Variants in GRIK2 observed in about 807,000 individuals in gnomAD.
The protein encoded by GRIK2 is glutamate receptor ionotropic, kainate 2.
GRIK2 carries 32 observed loss-of-function variants against 100.3 expected under a neutral mutation model. That is an observed-to-expected ratio of 0.32 (90% CI 0.24 to 0.43). The LOEUF is 0.43. GRIK2 is among the 20% of genes least tolerant of loss of function. The probability of loss-of-function intolerance (pLI) is 1.00; values close to 1 mark genes in which losing one functional copy is unlikely to be tolerated. For missense variants in GRIK2, 843 were observed against 1,114.9 expected (o/e 0.76, Z 3.47); for synonymous variants, 417 against 389.4 (o/e 1.07, Z -0.83).
At chr6:101,975,305 C>G (rs1245707772) in intron 14 of GRIK2, among the ~76,000 whole-genome samples, 1 of 151,754 alleles carries the variant, frequency 6.6e-6, no homozygotes, top group Non-Finnish European at 1.5e-5. Context: ...GATGAAATCA[C>G]CTGGGGAAGT....
intron 12 of GRIK2, among the ~76,000 whole-genome samples, chr6:101,911,701 A>G (rs1167415262): frequency 1.3e-5 from 2 of 151,454 alleles, no homozygotes; most frequent in African/African-American, 4.8e-5. Context: ...TTCTCACAAA[A>G]CATTGTTTGT....
intron 2 of GRIK2, among the ~76,000 whole-genome samples, chr6:101,592,306 A>G (rs935147775): frequency 2.0e-5 from 3 of 151,832 alleles, no homozygotes; most frequent in Admixed American, 6.6e-5. Context: ...AGGGAAATGG[A>G]AAAAAAGCAG....
At chr6:101,716,322 A>C (rs1774064287) in intron 7 of GRIK2, among the ~76,000 whole-genome samples, 1 of 151,722 alleles carries the variant, frequency 6.6e-6, no homozygotes, top group African/African-American at 2.4e-5. Context: ...GGTATACTAT[A>C]ATGAAAGAAG....
chr6:101,676,457 G>A (rs920797019), intron 4 of GRIK2, among the ~76,000 whole-genome samples, 166 bp from the exon 5 acceptor site: 6 of 152,024 alleles, frequency 3.9e-5, no homozygotes, highest in South Asian at 2.1e-4. Flanking sequence ...GTTCTTGGCC[G>A]TATCAAACTA....
intron 2 of GRIK2, among the ~76,000 whole-genome samples, chr6:101,477,513 G>A (rs1257076950): frequency 6.6e-6 from 1 of 151,924 alleles, no homozygotes; most frequent in African/African-American, 2.4e-5. Flanking sequence ...TGGGAGTCAG[G>A]GCAGAATTCA....
chr6:101,884,347 A>G (rs1247648188), intron 11 of GRIK2, among the ~76,000 whole-genome samples: 1 of 152,186 alleles, frequency 6.6e-6, no homozygotes, highest in Non-Finnish European at 1.5e-5. Flanking sequence ...AACAACGTTT[A>G]GAACTGATTT....
chr6:101,963,968 A>G (rs529073451), intron 14 of GRIK2, among the ~76,000 whole-genome samples: 27 of 152,136 alleles, frequency 1.8e-4, no homozygotes, highest in African/African-American at 6.0e-4. Context: ...TGGGCAAAAT[A>G]TGCACCACTG....
intron 10 of GRIK2, among the ~76,000 whole-genome samples, chr6:101,835,017 C>A (rs28877304): frequency 0.063 from 9,520 of 151,726 alleles, 317 homozygotes; most frequent in African/African-American, 0.082. Context: ...TAAATAAAAA[C>A]TTACATACAT....
chr6:101,620,940 G>A (rs1780127052), intron 2 of GRIK2, among the ~76,000 whole-genome samples: 1 of 152,044 alleles, frequency 6.6e-6, no homozygotes, highest in African/African-American at 2.4e-5. Context: ...CAGAGCTGGT[G>A]GAAGGTCACA....
chr6:101,979,567 G>A (rs1793594354), intron 14 of GRIK2, among the ~76,000 whole-genome samples: 1 of 151,832 alleles, frequency 6.6e-6, no homozygotes. Flanking sequence ...AAGAAGAAAT[G>A]GCTCCCTCTT....
intron 14 of GRIK2, among the ~76,000 whole-genome samples, chr6:101,929,714 A>C (rs1790138270): frequency 6.6e-6 from 1 of 152,152 alleles, no homozygotes; most frequent in South Asian, 2.1e-4. Flanking sequence ...ATTTTTATAA[A>C]ATTAACTTTA....
At chr6:101,590,293 A>G (rs1321105589) in intron 2 of GRIK2, among the ~76,000 whole-genome samples, 2 of 152,034 alleles carry the variant, frequency 1.3e-5, no homozygotes, top group Non-Finnish European at 2.9e-5. Flanking sequence ...TTTGTCAGGT[A>G]ACTCAGTGTT....
chr6:101,624,392 CAT>C (rs1221770669), intron 3 of GRIK2, among the ~76,000 whole-genome samples: 9 of 152,174 alleles, frequency 5.9e-5, no homozygotes, highest in South Asian at 2.1e-4. Flanking sequence ...TAGAATTCCA[CAT>C]GTTATTTAAA....
intron 7 of GRIK2, among the ~76,000 whole-genome samples, chr6:101,725,779 A>G (rs1273095987): frequency 6.6e-6 from 1 of 152,006 alleles, no homozygotes; most frequent in African/African-American, 2.4e-5. Flanking sequence ...TGTACTGGTC[A>G]CTGACAGTCC....
At chr6:101,461,776 TC>T (rs756939656) in intron 2 of GRIK2, among the ~76,000 whole-genome samples, 12 of 152,184 alleles carry the variant, frequency 7.9e-5, no homozygotes, top group Non-Finnish European at 1.6e-4. Context: ...TTACCAGCAC[TC>T]ATTAGGGATT....
Position 102,069,664 on chromosome 6 carries a change from G to A in GRIK2, c.*1153G>A, listed in dbSNP as rs1395398912. 2 of 151,880 alleles carry A rather than the reference G, an allele frequency of 1.3e-5. No homozygotes were observed. Among genetic ancestry groups the A allele is most frequent in the Non-Finnish European group, 2.9e-5 (2 of 67,936 alleles). The allele number at this position is 151,880 out of a possible 1,614,324, so 9.4% of individuals were successfully genotyped here. Reference sequence around the variant, plus strand: ...CAAAAAATGTTCAGGTTTATTTGTGGAAATGCAAGATTTCTATGAAAATAG... The same window carrying A: ...CAAAAAATGTTCAGGTTTATTTGTGAAAATGCAAGATTTCTATGAAAATAG... On this transcript the variant is annotated 3_prime_UTR_variant, in exon 17 of 17. Coordinates refer to ENST00000369134, the MANE Select transcript of GRIK2 (RefSeq NM_021956.5).
chr6:101,525,447 C>A (rs1775104422), intron 2 of GRIK2, among the ~76,000 whole-genome samples: 1 of 152,092 alleles, frequency 6.6e-6, no homozygotes, highest in Non-Finnish European at 1.5e-5. Flanking sequence ...AAATTATAAC[C>A]TTTTAACCTT....
intron 14 of GRIK2, among the ~76,000 whole-genome samples, chr6:101,977,278 AT>A (rs1562082848): frequency 7.0e-6 from 1 of 143,608 alleles, no homozygotes. Context: ...ATGTTATGTT[AT>A]GAGTCTGAGT....
chr6:101,490,263 A>G lies in GRIK2; in HGVS notation c.115+90871A>G, dbSNP rs140473227. Reference sequence around the variant, plus strand: ...CTTGGGCCATCTCATTTAGTTATCAACAGGGTCCTATAAGTGGGAATACTA... The same window carrying G: ...CTTGGGCCATCTCATTTAGTTATCAGCAGGGTCCTATAAGTGGGAATACTA... On this transcript the variant is annotated intron_variant, in intron 2 of 16. Transcript: ENST00000369134. Among the ~76,000 whole-genome samples, 21 of 147,276 alleles carry G rather than the reference A, an allele frequency of 1.4e-4. No individual in the cohort carries two copies. The East Asian group carries it at 3.7e-3, about 26-fold the overall frequency.
Sources: allele counts gnomAD v4.1 joint callset (sites outside exome capture counted in the v4.1 genomes callset), GRCh38; gene constraint gnomAD v4.1.1; transcripts MANE v1.5; gene names NCBI Gene and HGNC (gene_info 2026-07-23, HGNC 2026-07-21).